DUSP15: variants seen among roughly 807,000 people sequenced by gnomAD.
The protein encoded by DUSP15 is dual specificity phosphatase 15.
In DUSP15, 23 loss-of-function variants were observed where a neutral mutation model predicts 26.3. The observed-to-expected ratio is 0.87, with a 90% CI of 0.63 to 1.24. DUSP15 has a LOEUF of 1.24. Ranked by LOEUF, DUSP15 falls within the 50% of genes most tolerant of loss-of-function variation. The pLI, the probability that DUSP15 is intolerant of heterozygous loss-of-function variation, is 0.00. For synonymous variants in DUSP15, 143 were observed against 135.5 expected, an observed-to-expected ratio of 1.06 and a Z score of -0.39; for missense variants, 364 against 320.6, an observed-to-expected ratio of 1.14 and a Z score of -1.03.
At chr20:31,853,071 C>A (rs2062500841) in intron 6 of DUSP15, among the ~76,000 whole-genome samples, 1 of 152,044 alleles carries the variant, frequency 6.6e-6, no homozygotes, top group South Asian at 2.1e-4. Context: ...TGCCCCTTGC[C>A]CTCTCTCTCC....
downstream of DUSP15, among the ~76,000 whole-genome samples, chr20:31,857,858 G>A (rs1003593628): frequency 5.3e-5 from 8 of 152,210 alleles, no homozygotes; most frequent in Non-Finnish European, 1.2e-4. Flanking sequence ...GAGCTGCAGA[G>A]GTTGATGGGT....
chr20:31,852,583 G>A (rs2062489308), intron 6 of DUSP15, among the ~76,000 whole-genome samples: 1 of 152,244 alleles, frequency 6.6e-6, no homozygotes, highest in East Asian at 1.9e-4. Flanking sequence ...GGCCAAGGTG[G>A]GTGCATCACC....
In DUSP15 at chr20:31,870,023, C is replaced by T. The variant is rs2062886117; in HGVS notation, c.21+294G>A. The T allele has an allele frequency of 7.6e-7, 1 of 1,323,700 alleles. No homozygotes were observed. The highest frequency in any genetic ancestry group is 9.6e-7 in the Non-Finnish European group (1 of 1,038,470). 82.0% of individuals were successfully genotyped at this position (1,323,700 alleles called of 1,614,324 possible). ...GAGTCAGCGACAAGGGAGAGGGACA[C>T]ATGCAGACGGAGAGCAGGACTCACT... is the stretch of plus-strand genomic sequence containing the variant. On this transcript the variant is annotated intron_variant, in intron 1 of 6. Transcript: ENST00000339738. The surrounding 1 kb of genome is among the most constrained non-coding windows in gnomAD (Gnocchi z 6.6).
chr20:31,846,015 C>T (rs898789584), downstream of DUSP15, among the ~76,000 whole-genome samples: 6 of 151,990 alleles, frequency 3.9e-5, no homozygotes, highest in African/African-American at 1.5e-4. Flanking sequence ...GCAGACACAA[C>T]GGACAGAGAC....
intron 2 of DUSP15, among the ~76,000 whole-genome samples, chr20:31,867,523 G>A (rs887279472): frequency 6.6e-6 from 1 of 151,666 alleles, no homozygotes; most frequent in African/African-American, 2.4e-5. Flanking sequence ...GGAACAACCT[G>A]GTGTTCATTA....
chr20:31,861,159 G>T lies in DUSP15; in HGVS notation c.*244C>A. ...TCCCCTCCCGCCGCCTTTAAGGGTGGGCCCCCTCCCCCAGCCCAAGGACTA... is the reference window on the plus strand; with the variant it reads ...TCCCCTCCCGCCGCCTTTAAGGGTGTGCCCCCTCCCCCAGCCCAAGGACTA... On this transcript the variant is annotated 3_prime_UTR_variant, in exon 7 of 7. Transcript: ENST00000339738. The T allele has an allele frequency of 7.5e-7, 1 of 1,328,564 alleles. No homozygotes were observed. Among genetic ancestry groups the T allele is most frequent in the Non-Finnish European group, 9.6e-7 (1 of 1,045,536 alleles). 82.3% of individuals were successfully genotyped at this position (1,328,564 alleles called of 1,614,324 possible). A position where few individuals can be genotyped will look rare whatever the true frequency, so the allele number is the denominator to read the frequency against.
downstream of DUSP15, among the ~76,000 whole-genome samples, chr20:31,858,610 G>C (rs1171929157): frequency 6.6e-6 from 1 of 152,202 alleles, no homozygotes; most frequent in Non-Finnish European, 1.5e-5. This position sits in a 1 kb window ranked among gnomAD's most constrained non-coding sequence, Gnocchi z 4.4. Context: ...CACGCAAGTG[G>C]GGTAGCCTGG....
chr20:31,853,893 C>G (rs79600770), intron 6 of DUSP15, among the ~76,000 whole-genome samples: 8,795 of 152,142 alleles, frequency 0.058, 481 homozygotes, highest in African/African-American at 0.14. Flanking sequence ...TGTGAGTTAC[C>G]GTGCCCAGCC....
intron 5 of DUSP15, 73 bp downstream of exon 5, chr20:31,863,834 G>A: frequency 6.9e-7 from 1 of 1,445,138 alleles, no homozygotes; most frequent in Non-Finnish European, 9.7e-7. Flanking sequence ...CTTCCCACAG[G>A]GGGAGTGTGT....
At chr20:31,865,135 C>T (rs1276728504) in intron 3 of DUSP15, 133 bp from the exon 4 acceptor site, 2 of 939,758 alleles carry the variant, frequency 2.1e-6, no homozygotes, top group African/African-American at 3.3e-5. Context: ...TCCTCTCTGT[C>T]CAAAGAAAGT....
chr20:31,870,182 A>T lies in DUSP15; in HGVS notation c.21+135T>A, dbSNP rs2062890801. The stretch of plus-strand genomic sequence containing the variant: ...GACCCGACAGCCGCGGTCTCGAGTC[A>T]CAGGGACACGGAGATGCCGCCGCAC... On this transcript the variant is annotated intron_variant, in intron 1 of 6. Transcript: ENST00000339738. The surrounding 1 kb of genome is among the most constrained non-coding windows in gnomAD (Gnocchi z 6.6). 2 of 1,226,432 alleles carry T rather than the reference A, an allele frequency of 1.6e-6. No homozygotes were observed. The highest frequency in any genetic ancestry group is 2.0e-6 in the Non-Finnish European group (2 of 983,920). The allele number at this position is 1,226,432 out of a possible 1,614,324, so 76.0% of individuals were successfully genotyped here.
intron 7 of DUSP15, chr20:31,849,924 CCCTCG>C: frequency 1.4e-6 from 2 of 1,426,320 alleles, no homozygotes; most frequent in Non-Finnish European, 1.8e-6. Flanking sequence ...GCGCTAGCTC[CCCTCG>C]CCTTCTTACC....
downstream of DUSP15, among the ~76,000 whole-genome samples, chr20:31,859,989 C>T (rs2062618359): frequency 6.6e-6 from 1 of 152,190 alleles, no homozygotes; most frequent in Admixed American, 6.6e-5. Flanking sequence ...TAACTCATGG[C>T]CTTAATGTTC....
Position 31,855,664 on chromosome 20 carries a change from T to G in DUSP15, c.427-4988A>C, listed in dbSNP as rs144033411. ...ACAACAATGCTGTTGTTCACGTATA[T>G]GCATACGTCTTAAGGGACAGGCCAT... On this transcript the variant is annotated intron_variant, in intron 6 of 9. Coordinates refer to the DUSP15 transcript ENST00000278979. Among the ~76,000 whole-genome samples, 328 of 152,320 alleles carry G rather than the reference T, an allele frequency of 2.2e-3. 2 individuals carry two copies. The highest frequency in any genetic ancestry group is 7.6e-3 in the African/African-American group (315 of 41,572).
intron 6 of DUSP15, 69 bp downstream of exon 6, chr20:31,862,502 G>C (rs1219673568): frequency 4.0e-6 from 6 of 1,488,254 alleles, no homozygotes; most frequent in Non-Finnish European, 5.4e-6. Flanking sequence ...GTTCCAATCA[G>C]TGATCAGTTC....
At chr20:31,864,102 A>G (rs1172868303) in intron 4 of DUSP15, 121 bp from the exon 5 acceptor site, 15 of 1,523,366 alleles carry the variant, frequency 9.8e-6, no homozygotes, top group Middle Eastern at 1.8e-4. Context: ...CAGGTCAGCC[A>G]GCACATGCAG....
At chr20:31,865,092 G>T in intron 3 of DUSP15, 90 bp from the exon 4 acceptor site, 1 of 1,428,428 alleles carries the variant, frequency 7.0e-7, no homozygotes, top group African/African-American at 1.4e-5. Flanking sequence ...CATAACCCCA[G>T]CCCAGTTCCT....
chr20:31,848,801 C>T (rs1440193615), intron 9 of DUSP15: 1 of 1,607,710 alleles, frequency 6.2e-7, no homozygotes, highest in Admixed American at 1.7e-5. Flanking sequence ...GAAGGAGTGA[C>T]TCACGTCCGC....
chr20:31,855,712 T>C (rs996398579), intron 6 of DUSP15, among the ~76,000 whole-genome samples: 3 of 152,212 alleles, frequency 2.0e-5, no homozygotes, highest in African/African-American at 7.2e-5. Flanking sequence ...TCAACACTTA[T>C]TGAGCACCTA....
Sources: gnomAD v4.1 joint callset for allele counts (sites outside exome capture counted in the v4.1 genomes callset) on GRCh38, gnomAD v4.1.1 for gene constraint, Gnocchi (gnomAD v3.1) non-coding constraint, MANE v1.5 for transcripts, NCBI Gene and HGNC (gene_info 2026-07-23, HGNC 2026-07-21) for gene names.